SLC26A11: variants seen among roughly 807,000 people sequenced by gnomAD.
The protein encoded by SLC26A11 is solute carrier family 26 member 11.
SLC26A11 carries 58 observed loss-of-function variants against 62.2 expected under a neutral mutation model. The ratio of observed to expected loss-of-function variants is 0.93; its 90% CI spans 0.76 to 1.16. The LOEUF (loss-of-function observed/expected upper bound fraction) is 1.16. Ranked by LOEUF, SLC26A11 falls within the 50% of genes most tolerant of loss-of-function variation. The pLI is 0.00. For missense variants in SLC26A11, 790 were observed against 794.3 expected, an observed-to-expected ratio of 0.99 and a Z score of 0.06; for synonymous variants, 411 against 368.9, an observed-to-expected ratio of 1.11 and a Z score of -1.31.
At chr17:80,224,516 G>A (rs779604104) in intron 5 of SLC26A11, among the ~76,000 whole-genome samples, 43 of 152,108 alleles carry the variant, frequency 2.8e-4, no homozygotes, top group African/African-American at 1.9e-4. Context: ...TGCTACGTGC[G>A]AGGCACTGGG....
In SLC26A11 at chr17:80,225,882, G is replaced by A; in HGVS notation, c.559G>A (p.Val187Met). The A allele has an allele frequency of 6.2e-7, 1 of 1,614,012 alleles. No individual in the cohort carries two copies. The highest frequency in any genetic ancestry group is 1.7e-5 in the Admixed American group (1 of 60,012). The change falls in exon 6 of 18, where the codon GTG (valine) becomes ATG (methionine). Residue 187 changes from valine (V) to methionine (M), a missense_variant. Physicochemically the swap from Val to Met is conservative, Grantham distance 21. Coordinates refer to ENST00000361193, the MANE Select transcript of SLC26A11 (RefSeq NM_001166347.2). ...CATCCCCAGGCCGTTCTTCCTGCAG[G>A]TGTACCACACCTTCCTCAGGATTGC... The part of the protein sequence containing the change: ...QNIPRPFFLQ[V>M]YHTFLRIAET...
intron 10 of SLC26A11, 67 bp downstream of exon 10, chr17:80,241,888 T>G: frequency 6.5e-7 from 1 of 1,533,588 alleles, no homozygotes; most frequent in Non-Finnish European, 9.0e-7. Context: ...CCTGCCCCTC[T>G]GTGTCTCCTG....
chr17:80,231,408 C>T (rs191228700), intron 7 of SLC26A11, among the ~76,000 whole-genome samples: 1 of 152,266 alleles, frequency 6.6e-6, no homozygotes, highest in East Asian at 1.9e-4. Context: ...AGGTGATCCA[C>T]CCGCCTCAGC....
Position 80,228,039 on chromosome 17 carries a change from G to A in SLC26A11, c.736+79G>A. On this transcript the variant is annotated intron_variant, in intron 7 of 17. Coordinates refer to ENST00000361193, the MANE Select transcript of SLC26A11 (RefSeq NM_001166347.2). This position sits in a 1 kb window ranked among gnomAD's most constrained non-coding sequence, Gnocchi z 4.1. ...CTTGGGGAGTCCTAGTCCCACCCTAGGGATTCTCACGTCATTGGTCTGGGT... is the reference window on the plus strand; with the variant it reads ...CTTGGGGAGTCCTAGTCCCACCCTAAGGATTCTCACGTCATTGGTCTGGGT... 7.3e-7 allele frequency: 1 copy of A among 1,361,090 alleles called. No individual in the cohort carries two copies. Among genetic ancestry groups the A allele is most frequent in the Non-Finnish European group, 1.0e-6 (1 of 992,138 alleles). The allele number at this position is 1,361,090 out of a possible 1,614,324, so 84.3% of individuals were successfully genotyped here.
intron 9 of SLC26A11, among the ~76,000 whole-genome samples, chr17:80,240,084 T>A (rs953473271): frequency 2.0e-5 from 3 of 152,158 alleles, no homozygotes; most frequent in African/African-American, 7.2e-5. Flanking sequence ...CTTGCCAACC[T>A]CAGCTGGGTG....
intron 5 of SLC26A11, among the ~76,000 whole-genome samples, chr17:80,224,374 C>T (rs28613213): frequency 0.39 from 49,490 of 128,238 alleles, 8,637 homozygotes; most frequent in Admixed American, 0.51. Context: ...AGTGTGAGTG[C>T]GCGCGCGCGT....
At chr17:80,236,457 C>T (rs189580206) in intron 7 of SLC26A11, among the ~76,000 whole-genome samples, 2 of 152,218 alleles carry the variant, frequency 1.3e-5, no homozygotes, top group Non-Finnish European at 2.9e-5. Context: ...AGGCAGCCGG[C>T]GGGGCAGTGA....
chr17:80,242,125 T>C (rs1223095196), intron 10 of SLC26A11, among the ~76,000 whole-genome samples: 3 of 152,178 alleles, frequency 2.0e-5, no homozygotes, highest in Non-Finnish European at 2.9e-5. Flanking sequence ...TAAAGGCATA[T>C]GCCACCATGC....
At chr17:80,242,609 C>T (rs991700306) in intron 10 of SLC26A11, among the ~76,000 whole-genome samples, 2 of 152,214 alleles carry the variant, frequency 1.3e-5, no homozygotes, top group African/African-American at 2.4e-5. Flanking sequence ...AAGTTGCCTG[C>T]CTGTGGATGG....
rs760446324 is a variant in SLC26A11, at chr17:80,221,541, C to T, written c.-13-7C>T. The T allele has an allele frequency of 1.2e-5, 18 of 1,539,462 alleles. No homozygotes were observed. The highest frequency in any genetic ancestry group is 1.4e-5 in the Non-Finnish European group (16 of 1,144,634). ...GACTGCTGGTCTGTGTCACCTGCACCCCCCAGCCCCACCGTAGAGATGCCT... is the reference window on the plus strand; with the variant it reads ...GACTGCTGGTCTGTGTCACCTGCACTCCCCAGCCCCACCGTAGAGATGCCT... On this transcript the variant is annotated splice_polypyrimidine_tract_variant and splice_region_variant and intron_variant, in intron 2 of 17. Coordinates refer to ENST00000361193, the MANE Select transcript of SLC26A11 (RefSeq NM_001166347.2).
chr17:80,224,359 G>GTT (rs2042328827), intron 5 of SLC26A11, among the ~76,000 whole-genome samples: 1 of 144,372 alleles, frequency 6.9e-6, no homozygotes, highest in South Asian at 2.2e-4. Context: ...GTGTGGGTGT[G>GTT]AGGGAGTGTG....
rs1326715583 is a variant in SLC26A11, at chr17:80,236,991, A to G, written c.800A>G (p.Tyr267Cys). 6.2e-7 allele frequency: 1 copy of G among 1,613,986 alleles called. No homozygotes were observed. Among genetic ancestry groups the G allele is most frequent in the East Asian group, 2.2e-5 (1 of 44,858 alleles). ...GCGTACTCCTTCGAGGTGACTGGATACCAGCCTTTCATCCTAACAGGGGAG... is the reference window on the plus strand; with the variant it reads ...GCGTACTCCTTCGAGGTGACTGGATGCCAGCCTTTCATCCTAACAGGGGAG... ...LVAYSFEVTG[Y>C]QPFILTGETA... The change falls in exon 8 of 18, where the codon TAC becomes TGC. Residue 267 changes from tyrosine (Y) to cysteine (C), a missense_variant. Tyr to Cys is a radical substitution (Grantham distance 194). Transcript: ENST00000361193.
intron 9 of SLC26A11, among the ~76,000 whole-genome samples, chr17:80,238,716 T>C (rs1252028821): frequency 1.3e-5 from 2 of 152,188 alleles, no homozygotes; most frequent in Admixed American, 6.5e-5. Context: ...TTACTGTGAC[T>C]GTGTAAATCG....
intron 15 of SLC26A11, among the ~76,000 whole-genome samples, 195 bp downstream of exon 15, chr17:80,248,869 A>G (rs2043084514): frequency 6.6e-6 from 1 of 152,036 alleles, no homozygotes; most frequent in Admixed American, 6.6e-5. Flanking sequence ...GGCCCCCCAC[A>G]TATCACTCCT....
rs759099809 is a variant in SLC26A11 at position 80,223,300 on chromosome 17, C to A, written c.476C>A (p.Ser159Tyr). 2 of 1,614,072 alleles carry A rather than the reference C, an allele frequency of 1.2e-6. No individual in the cohort carries two copies. Among genetic ancestry groups the A allele is most frequent in the Non-Finnish European group, 8.5e-7 (1 of 1,180,042 alleles). The change falls in exon 5 of 18, where the codon TCT becomes TAT. Residue 159 changes from serine (S) to tyrosine (Y), a missense_variant. Transcript: ENST00000361193. This position sits in a 1 kb window ranked among gnomAD's most constrained non-coding sequence, Gnocchi z 4.6. ...TACCCCGTCATTAAAGGCTTCACCT[C>A]TGCTGCTGCCGTCACCATCGGCTTT... is the stretch of plus-strand genomic sequence containing the variant. ...ISYPVIKGFT[S>Y]AAAVTIGFGQ...
intron 9 of SLC26A11, among the ~76,000 whole-genome samples, chr17:80,238,280 G>A (rs1413803101): frequency 6.6e-6 from 1 of 152,172 alleles, no homozygotes; most frequent in Non-Finnish European, 1.5e-5. Context: ...TTGAGCCCGG[G>A]AGGTCGAGGT....
chr17:80,251,425 G>A, intron 17 of SLC26A11, 24 bp downstream of exon 17: 2 of 1,612,010 alleles, frequency 1.2e-6, no homozygotes, highest in Non-Finnish European at 1.7e-6. Flanking sequence ...GACATCCTGT[G>A]GCTTTGGTGA....
intron 2 of SLC26A11, 153 bp from the exon 3 acceptor site, chr17:80,221,393 GCA>G (rs2042182798): frequency 1.7e-6 from 1 of 588,108 alleles, no homozygotes; most frequent in African/African-American, 1.9e-5. Context: ...TCCCCATCTT[GCA>G]CACATTGTTG....
chr17:80,225,383 G>C lies in SLC26A11; in HGVS notation c.514-454G>C, dbSNP rs553534314. On this transcript the variant is annotated intron_variant, in intron 5 of 17. Transcript: ENST00000361193. ...TTTCCTCCCGCAGCAGCGGAGCTGG[G>C]GGGTGGCGGGGCACCTAGTGAGGGA... 8.5e-5 allele frequency among the ~76,000 whole-genome samples: 13 copies of C among 152,304 alleles called. No individual in the cohort carries two copies. In the South Asian group the frequency reaches 2.7e-3, roughly 32 times the overall value.
Sources: gnomAD v4.1 joint callset for allele counts (sites outside exome capture counted in the v4.1 genomes callset) on GRCh38, gnomAD v4.1.1 for gene constraint, Gnocchi (gnomAD v3.1) non-coding constraint, MANE v1.5 for transcripts, NCBI Gene and HGNC (gene_info 2026-07-23, HGNC 2026-07-21) for gene names.